Variants in RBFOX3 observed in about 807,000 individuals in gnomAD.
RBFOX3 encodes RNA binding fox-1 homolog 3.
Under a neutral mutation model 48.7 loss-of-function variants are expected in RBFOX3, and 17 were observed. The observed-to-expected ratio is 0.35, with a 90% CI of 0.24 to 0.52. RBFOX3 has a LOEUF of 0.52. RBFOX3 is among the 20% of genes least tolerant of loss of function. The pLI is 0.94. For missense variants in RBFOX3, 382 were observed against 497.5 expected (o/e 0.77, Z 2.21); for synonymous variants, 212 against 209.5 (o/e 1.01, Z -0.10).
chr17:79,406,408 A>G (rs1182466016), intron 2 of RBFOX3, among the ~76,000 whole-genome samples: 2 of 151,986 alleles, frequency 1.3e-5, no homozygotes, highest in African/African-American at 4.8e-5. Context: ...TGGGTCTCAG[A>G]GCTCTTCCTG....
chr17:79,160,653 T>C (rs889153958), intron 4 of RBFOX3, among the ~76,000 whole-genome samples: 13 of 144,520 alleles, frequency 9.0e-5, no homozygotes, highest in African/African-American at 2.6e-4. Flanking sequence ...GATTCCCCCA[T>C]TCATTCATTC....
At chr17:79,201,918 G>A (rs762389554) in intron 4 of RBFOX3, among the ~76,000 whole-genome samples, 4 of 152,140 alleles carry the variant, frequency 2.6e-5, no homozygotes, top group Non-Finnish European at 5.9e-5. Flanking sequence ...CTGCGTCTCC[G>A]CCCCTGCAGG....
chr17:79,416,979 C>T (rs2065472444), intron 2 of RBFOX3, among the ~76,000 whole-genome samples: 2 of 152,190 alleles, frequency 1.3e-5, no homozygotes, highest in African/African-American at 2.4e-5. Context: ...TGGTAAGCCC[C>T]AGGCCCCTTG....
intron 14 of RBFOX3, 106 bp downstream of exon 14, chr17:79,094,345 G>A (rs1293106680): frequency 2.2e-5 from 17 of 772,310 alleles, no homozygotes; most frequent in Non-Finnish European, 2.9e-5. Context: ...AAGTCTCCGG[G>A]ACCAAGGCAT....
chr17:79,590,904 T>G (rs975365866), intron 1 of RBFOX3, among the ~76,000 whole-genome samples: 4 of 152,122 alleles, frequency 2.6e-5, no homozygotes, highest in Non-Finnish European at 2.9e-5. Flanking sequence ...CAAAGAAATC[T>G]TCAATGAACC....
intron 2 of RBFOX3, among the ~76,000 whole-genome samples, chr17:79,349,880 G>A (rs557540111): frequency 2.0e-5 from 3 of 151,496 alleles, no homozygotes; most frequent in South Asian, 2.1e-4. Flanking sequence ...GGGCAGGCAC[G>A]GCCATGATCA....
At chr17:79,181,195 C>T (rs1027928670) in intron 4 of RBFOX3, among the ~76,000 whole-genome samples, 1 of 152,230 alleles carries the variant, frequency 6.6e-6, no homozygotes, top group Non-Finnish European at 1.5e-5. Flanking sequence ...ACTAAGACAA[C>T]AGAATCAATA....
At chr17:79,296,412 T>C (rs182058371) in intron 3 of RBFOX3, among the ~76,000 whole-genome samples, 4 of 152,252 alleles carry the variant, frequency 2.6e-5, no homozygotes, top group Admixed American at 2.6e-4. Context: ...CCGGGCTGTG[T>C]TTTGTCGCTC....
intron 2 of RBFOX3, among the ~76,000 whole-genome samples, chr17:79,434,193 G>A (rs1293557566): frequency 9.2e-5 from 14 of 152,210 alleles, no homozygotes; most frequent in Non-Finnish European, 1.9e-4. Context: ...TTTGACCTCA[G>A]CTGGGACCAC....
At chr17:79,524,962 T>C (rs1370076580) in intron 1 of RBFOX3, among the ~76,000 whole-genome samples, 1 of 152,158 alleles carries the variant, frequency 6.6e-6, no homozygotes, top group Admixed American at 6.5e-5. Flanking sequence ...TCTCCATGAT[T>C]CCATAATTGG....
At chr17:79,466,234 G>A (rs62061747) in intron 2 of RBFOX3, among the ~76,000 whole-genome samples, 5,270 of 152,310 alleles carry the variant, frequency 0.035, 123 homozygotes, top group South Asian at 0.054. Flanking sequence ...CCCTAGGCTT[G>A]TGAGGCCCCG....
At chr17:79,163,815 T>C (rs900825099) in intron 4 of RBFOX3, among the ~76,000 whole-genome samples, 77 of 152,254 alleles carry the variant, frequency 5.1e-4, no homozygotes, top group African/African-American at 1.8e-3. Flanking sequence ...AGCTCCTCCT[T>C]GCCCAGGTGC....
At chr17:79,411,339 G>A (rs2064302933) in intron 2 of RBFOX3, among the ~76,000 whole-genome samples, 1 of 152,118 alleles carries the variant, frequency 6.6e-6, no homozygotes, top group African/African-American at 2.4e-5. Flanking sequence ...AAAACCCACT[G>A]AGACTCATTC....
chr17:79,439,444 G>C (rs528327720), intron 2 of RBFOX3, among the ~76,000 whole-genome samples: 1 of 152,198 alleles, frequency 6.6e-6, no homozygotes, highest in Non-Finnish European at 1.5e-5. Context: ...TCCCCTAAAG[G>C]CTCCATCCAA....
At chr17:79,301,378 C>G (rs377086793) in intron 3 of RBFOX3, among the ~76,000 whole-genome samples, 18 of 152,348 alleles carry the variant, frequency 1.2e-4, no homozygotes, top group African/African-American at 4.1e-4. Flanking sequence ...ATGCAGCTCC[C>G]ATAAGCCTTG....
chr17:79,359,876 C>A (rs983898064), intron 2 of RBFOX3, among the ~76,000 whole-genome samples: 1 of 152,074 alleles, frequency 6.6e-6, no homozygotes, highest in Non-Finnish European at 1.5e-5. Context: ...CAGGTGCACG[C>A]CACCATGCCT....
rs376897133 is a variant in RBFOX3 at position 79,391,547 on chromosome 17, C to G, written c.-174-83723G>C. 2.0e-5 allele frequency among the ~76,000 whole-genome samples: 3 copies of G among 152,178 alleles called. No individual in the cohort carries two copies. The highest frequency in any genetic ancestry group is 4.4e-5 in the Non-Finnish European group (3 of 68,038). On this transcript the variant is annotated intron_variant, in intron 2 of 14. Coordinates refer to ENST00000693108, the MANE Select transcript of RBFOX3 (RefSeq NM_001350451.2). The surrounding 1 kb of genome is among the most constrained non-coding windows in gnomAD (Gnocchi z 5.0). ...AAATGCCACCGATTTTAATCTCACC[C>G]GAAACCAACCTCACAGGTGCTGATT...
chr17:79,340,305 A>AC (rs2081874632), intron 2 of RBFOX3, among the ~76,000 whole-genome samples: 1 of 150,358 alleles, frequency 6.7e-6, no homozygotes, highest in Non-Finnish European at 1.5e-5. Flanking sequence ...TCTCAAAAAA[A>AC]AAAACAAAAA....
At chr17:79,637,617 C>T in the RBFOX3 span, among the ~76,000 whole-genome samples, 32 of 151,372 alleles carry the variant, frequency 2.1e-4, no homozygotes, top group Non-Finnish European at 3.5e-4. Flanking sequence ...ATCACTTGAA[C>T]CCAGGAGGTG....
Sources: allele counts gnomAD v4.1 joint callset (sites outside exome capture counted in the v4.1 genomes callset), GRCh38; gene constraint gnomAD v4.1.1; non-coding constraint Gnocchi (gnomAD v3.1); transcripts MANE v1.5; gene names NCBI Gene and HGNC (gene_info 2026-07-23, HGNC 2026-07-21).